The following GALNT18 variants were observed in gnomAD, a reference collection of about 807,000 sequenced individuals.
GALNT18 encodes GalNAc-transferase 18.
In GALNT18, 44 loss-of-function variants were observed where a neutral mutation model predicts 69.5. The ratio of observed to expected loss-of-function variants is 0.63; its 90% CI spans 0.50 to 0.81. The LOEUF (loss-of-function observed/expected upper bound fraction) is 0.81, where lower values mean the gene tolerates loss of function less well. GALNT18 is among the 40% of genes least tolerant of loss of function. The pLI is 0.00. For synonymous variants in GALNT18, 364 were observed against 318.2 expected (o/e 1.14, Z -1.53); for missense variants, 715 against 810.0 (o/e 0.88, Z 1.42).
chr11:11,479,116 G>T (rs552668049), intron 1 of GALNT18, among the ~76,000 whole-genome samples: 5 of 152,322 alleles, frequency 3.3e-5, no homozygotes, highest in African/African-American at 1.2e-4. Flanking sequence ...TGGTTGCCTT[G>T]ACTGCCTCTG....
At chr11:11,324,344 T>C (rs1055098681) in intron 9 of GALNT18, among the ~76,000 whole-genome samples, 2 of 152,212 alleles carry the variant, frequency 1.3e-5, no homozygotes, top group African/African-American at 4.8e-5. Context: ...CCAAACGACA[T>C]GATCAAGGTT....
intron 6 of GALNT18, among the ~76,000 whole-genome samples, chr11:11,369,819 A>G (rs1850856321): frequency 6.6e-6 from 1 of 152,160 alleles, no homozygotes; most frequent in Admixed American, 6.5e-5. Flanking sequence ...AGAAAAAAAA[A>G]AGAGCATGAA....
At chr11:11,303,980 T>C (rs1350680459) in intron 9 of GALNT18, among the ~76,000 whole-genome samples, 2 of 152,206 alleles carry the variant, frequency 1.3e-5, no homozygotes, top group African/African-American at 4.8e-5. Context: ...GATGGCTCTG[T>C]CCAGGGCTTG....
rs1854480498 is a variant in GALNT18 at position 11,402,081 on chromosome 11, A to T, written c.596-22817T>A. 6.6e-6 allele frequency among the ~76,000 whole-genome samples: 1 copy of T among 152,248 alleles called. No homozygotes were observed. Among genetic ancestry groups the T allele is most frequent in the Non-Finnish European group, 1.5e-5 (1 of 68,042 alleles). On this transcript the variant is annotated intron_variant, in intron 3 of 10. Transcript: ENST00000227756. This position sits in a 1 kb window ranked among gnomAD's most constrained non-coding sequence, Gnocchi z 4.0. Reference sequence around the variant, plus strand: ...AAGAAGAGATGAAGTAGGCTTACATATTATTAGGTGAATTCAAGGTAATCA... The same window carrying T: ...AAGAAGAGATGAAGTAGGCTTACATTTTATTAGGTGAATTCAAGGTAATCA...
chr11:11,452,233 T>C (rs558489810), intron 1 of GALNT18, among the ~76,000 whole-genome samples: 70 of 152,310 alleles, frequency 4.6e-4, no homozygotes, highest in African/African-American at 1.7e-3. Flanking sequence ...GGCTGTGGAG[T>C]CAGAATCCTA....
Position 11,396,444 on chromosome 11 carries a change from C to G in GALNT18, c.596-17180G>C, listed in dbSNP as rs1854329254. On this transcript the variant is annotated intron_variant, in intron 3 of 10. Coordinates refer to ENST00000227756, the MANE Select transcript of GALNT18 (RefSeq NM_198516.3). This position sits in a 1 kb window ranked among gnomAD's most constrained non-coding sequence, Gnocchi z 5.2. ...CTGCAGGGATGATGGAGAAAGAATT[C>G]ACGTGTGGGAGGTACCGATGAATCA... Among the ~76,000 whole-genome samples, 1 of 152,070 alleles carries G rather than the reference C, an allele frequency of 6.6e-6. No homozygotes were observed. Among genetic ancestry groups the G allele is most frequent in the Admixed American group, 6.6e-5 (1 of 15,258 alleles).
At position 11,564,492 on chromosome 11, in the gene GALNT18, C is replaced by T. The variant is rs939959128; in HGVS notation, c.235+56867G>A. Among the ~76,000 whole-genome samples, 2 of 152,212 alleles carry T rather than the reference C, an allele frequency of 1.3e-5. No homozygotes were observed. The highest frequency in any genetic ancestry group is 6.5e-5 in the Admixed American group (1 of 15,282). On this transcript the variant is annotated intron_variant, in intron 1 of 10. Transcript: ENST00000227756. The surrounding 1 kb of genome is among the most constrained non-coding windows in gnomAD (Gnocchi z 4.3). ...TCATCCATGCCTCCCTTCTTTTCTT[C>T]CCCACGGCCCTATGCATTTTATCTG...
chr11:11,432,689 G>A lies in GALNT18; in HGVS notation c.527C>T (p.Ser176Leu), dbSNP rs1340251688. The A allele has an allele frequency of 3.1e-6, 5 of 1,613,464 alleles. No individual in the cohort carries two copies. Among genetic ancestry groups the A allele is most frequent in the Non-Finnish European group, 3.4e-6 (4 of 1,179,736 alleles). ...ALSVLLRSIH[S>L]AMERTPPHLL... ...ATGTGGGGGCGTGCGTTCCATGGCC[G>A]AGTGGATGGAGCGCAGCAGCACTGA... The change falls in exon 3 of 11, where the codon TCG (serine) becomes TTG (leucine). Residue 176 changes from serine to leucine, a missense_variant. By Grantham distance (145) the Ser-to-Leu change is moderately radical. Coordinates refer to ENST00000227756, the MANE Select transcript of GALNT18 (RefSeq NM_198516.3). This position sits in a 1 kb window ranked among gnomAD's most constrained non-coding sequence, Gnocchi z 5.8.
At chr11:11,468,851 G>C (rs577737365) in intron 1 of GALNT18, among the ~76,000 whole-genome samples, 1 of 152,192 alleles carries the variant, frequency 6.6e-6, no homozygotes, top group Non-Finnish European at 1.5e-5. Context: ...ATAAACCACC[G>C]AAAGAAGGAT....
chr11:11,462,795 A>C (rs1008743080), intron 1 of GALNT18, among the ~76,000 whole-genome samples: 8 of 152,168 alleles, frequency 5.3e-5, no homozygotes, highest in Non-Finnish European at 1.5e-5. Flanking sequence ...TGATTCTAGG[A>C]CCGGGAAGTA....
At chr11:11,316,353 A>T (rs1849753131) in intron 9 of GALNT18, among the ~76,000 whole-genome samples, 1 of 152,206 alleles carries the variant, frequency 6.6e-6, no homozygotes, top group African/African-American at 2.4e-5. Context: ...TTCTTGGCAC[A>T]CAAAGGAAAA....
At chr11:11,305,757 A>G (rs914715383) in intron 9 of GALNT18, among the ~76,000 whole-genome samples, 2 of 152,194 alleles carry the variant, frequency 1.3e-5, no homozygotes, top group African/African-American at 4.8e-5. Context: ...CACCCCCTTT[A>G]GATCCCAAGT....
rs1200445978 is a variant in GALNT18, at chr11:11,600,571, T to C, written c.235+20788A>G. 6.6e-6 allele frequency among the ~76,000 whole-genome samples: 1 copy of C among 152,092 alleles called. No individual in the cohort carries two copies. Among genetic ancestry groups the C allele is most frequent in the Non-Finnish European group, 1.5e-5 (1 of 67,968 alleles). On this transcript the variant is annotated intron_variant, in intron 1 of 10. Transcript: ENST00000227756. This position sits in a 1 kb window ranked among gnomAD's most constrained non-coding sequence, Gnocchi z 4.8. ...GGTCTTTCTGTTACTGCTTCCAAGA[T>C]TTTCTCTCTCTTTAGCTTTCAAAAT...
At chr11:11,599,827 G>C (rs978660015) in intron 1 of GALNT18, among the ~76,000 whole-genome samples, 1 of 151,816 alleles carries the variant, frequency 6.6e-6, no homozygotes, top group African/African-American at 2.4e-5. Flanking sequence ...GTGATGCTTT[G>C]ATATATGAAT....
At chr11:11,532,455 C>A (rs1857675814) in intron 1 of GALNT18, among the ~76,000 whole-genome samples, 1 of 152,212 alleles carries the variant, frequency 6.6e-6, no homozygotes, top group South Asian at 2.1e-4. Flanking sequence ...CCTTTCCACT[C>A]CCCTGTGCTA....
intron 5 of GALNT18, among the ~76,000 whole-genome samples, chr11:11,375,634 G>C (rs1853729911): frequency 6.6e-6 from 1 of 152,198 alleles, no homozygotes; most frequent in South Asian, 2.1e-4. Flanking sequence ...CTTTGGCAGG[G>C]CCATTCACCT....
In GALNT18 at chr11:11,332,679, A is replaced by G. The variant is rs778793767; in HGVS notation, c.1416+15T>C. 6.2e-7 allele frequency: 1 copy of G among 1,613,240 alleles called. No homozygotes were observed. The highest frequency in any genetic ancestry group is 1.7e-5 in the Admixed American group (1 of 59,984). On this transcript the variant is annotated intron_variant, in intron 8 of 10. Transcript: ENST00000227756. The surrounding 1 kb of genome is among the most constrained non-coding windows in gnomAD (Gnocchi z 4.3). ...TCTGTGTCTGAATGAAACCCGGAGG[A>G]GGCCAGCTCCTTACCACTCCATAGG...
intron 3 of GALNT18, among the ~76,000 whole-genome samples, chr11:11,416,690 A>G (rs1034732893): frequency 1.3e-5 from 2 of 152,140 alleles, no homozygotes; most frequent in Non-Finnish European, 2.9e-5. Flanking sequence ...CCCAGATGGC[A>G]GCCGCCACCA....
In GALNT18 at chr11:11,448,890, G is replaced by C; in HGVS notation, c.282C>G (p.Asp94Glu). ...GGCCCCAGTGTGCAAACAGAGAGGA[G>C]TCTGTGAAGGGCTCGGCCTCTGCCT... Reference protein sequence around the residue: ...PEEAEAEPFTDSSLFAHWGQE... With the variant: ...PEEAEAEPFTESSLFAHWGQE... The change falls in exon 2 of 11, where the codon GAC (aspartate) becomes GAG (glutamate). Residue 94 changes from aspartate to glutamate, a missense_variant. Coordinates refer to ENST00000227756, the MANE Select transcript of GALNT18 (RefSeq NM_198516.3). The C allele has an allele frequency of 6.2e-7, 1 of 1,605,356 alleles. No individual in the cohort carries two copies. The highest frequency in any genetic ancestry group is 8.5e-7 in the Non-Finnish European group (1 of 1,176,056).
Sources: allele counts gnomAD v4.1 joint callset (sites outside exome capture counted in the v4.1 genomes callset), GRCh38; gene constraint gnomAD v4.1.1; non-coding constraint Gnocchi (gnomAD v3.1); transcripts MANE v1.5; gene names NCBI Gene and HGNC (gene_info 2026-07-23, HGNC 2026-07-21).